Variants in NSG2 observed in about 807,000 individuals in gnomAD.
NSG2 encodes neuronal vesicle trafficking associated 2, also known as neuronal vesicle trafficking-associated protein 2.
Under a neutral mutation model 16.9 loss-of-function variants are expected in NSG2, and 4 were observed. The observed-to-expected ratio is 0.24, with a 90% confidence interval of 0.12 to 0.54. The LOEUF (loss-of-function observed/expected upper bound fraction) is 0.54. NSG2 is among the 20% of genes least tolerant of loss of function. The pLI is 0.95. For synonymous variants in NSG2, 98 were observed against 88.7 expected (o/e 1.11, Z -0.59); for missense variants, 179 against 221.1 (o/e 0.81, Z 1.21).
Position 174,070,690 on chromosome 5 carries a change from G to C in NSG2, c.213+6375G>C, listed in dbSNP as rs1363036712. On this transcript the variant is annotated intron_variant, in intron 3 of 4. Coordinates refer to ENST00000303177, the MANE Select transcript of NSG2 (RefSeq NM_015980.5). ...GCTTCTCAGCTGTGCTCTTCCTGGAGTCAGCAACTCTGGGACCCCTTCCTG... is the reference window on the plus strand; with the variant it reads ...GCTTCTCAGCTGTGCTCTTCCTGGACTCAGCAACTCTGGGACCCCTTCCTG... Among the ~76,000 whole-genome samples, 9 of 152,222 alleles carry C rather than the reference G, an allele frequency of 5.9e-5. No homozygotes were observed. The South Asian group carries it at 1.9e-3, about 32-fold the overall frequency.
intron 3 of NSG2, among the ~76,000 whole-genome samples, chr5:174,067,147 A>G (rs1311233185): frequency 6.6e-6 from 1 of 152,204 alleles, no homozygotes; most frequent in Non-Finnish European, 1.5e-5. Flanking sequence ...AAATGTATTA[A>G]TATTAAAATG....
chr5:174,066,238 A>G (rs2113437618), intron 3 of NSG2: 1 of 456,286 alleles, frequency 2.2e-6, no homozygotes, highest in East Asian at 6.9e-5. Context: ...GTGAAAGTGG[A>G]CCAAGACCCA....
intron 3 of NSG2, among the ~76,000 whole-genome samples, chr5:174,087,295 G>T (rs558744275): frequency 1.5e-3 from 233 of 152,256 alleles, no homozygotes; most frequent in Non-Finnish European, 2.6e-3. Flanking sequence ...AGCCACTCCA[G>T]AGGCTGTGGA....
At chr5:174,049,038 G>A (rs1023176806) in intron 2 of NSG2, among the ~76,000 whole-genome samples, 2 of 151,890 alleles carry the variant, frequency 1.3e-5, no homozygotes, top group African/African-American at 2.4e-5. Flanking sequence ...TAAAGTGCCT[G>A]GTAAAAAAAA....
chr5:174,050,762 A>C (rs1759875968), intron 2 of NSG2, among the ~76,000 whole-genome samples: 1 of 152,058 alleles, frequency 6.6e-6, no homozygotes, highest in South Asian at 2.1e-4. Context: ...CAGAGGCCCC[A>C]GTGCTCTCTC....
At chr5:174,055,306 G>A (rs958342381) in intron 2 of NSG2, among the ~76,000 whole-genome samples, 1 of 152,182 alleles carries the variant, frequency 6.6e-6, no homozygotes, top group Non-Finnish European at 1.5e-5. Context: ...ATAGAAGTGG[G>A]GAGTTGGCTG....
chr5:174,093,629 G>A (rs1282555355), intron 3 of NSG2, among the ~76,000 whole-genome samples: 1 of 152,210 alleles, frequency 6.6e-6, no homozygotes, highest in Non-Finnish European at 1.5e-5. Context: ...GATCTTTGGG[G>A]CTCAGCCAGG....
intron 3 of NSG2, among the ~76,000 whole-genome samples, chr5:174,093,341 C>G (rs548142982): frequency 7.2e-5 from 11 of 152,186 alleles, no homozygotes; most frequent in Admixed American, 1.3e-4. Flanking sequence ...TATGCACTAC[C>G]ACGCCCCGCC....
At chr5:174,049,029 A>C (rs1000960325) in intron 2 of NSG2, among the ~76,000 whole-genome samples, 6 of 152,066 alleles carry the variant, frequency 3.9e-5, no homozygotes, top group Non-Finnish European at 8.8e-5. Context: ...CATTATACGT[A>C]AAGTGCCTGG....
In NSG2 at chr5:174,108,281, A is replaced by C. The variant is rs1225022620; in HGVS notation, c.*776A>C. On this transcript the variant is annotated 3_prime_UTR_variant, in exon 5 of 5. Coordinates refer to ENST00000303177, the MANE Select transcript of NSG2 (RefSeq NM_015980.5). ...TCTTTGTCTTTTGCTTGCATTTTCT[A>C]GATCCACACCTGGATACTGCCCATG... 6.3e-6 allele frequency: 1 copy of C among 159,720 alleles called. No individual in the cohort carries two copies. 9.9% of individuals were successfully genotyped at this position (159,720 alleles called of 1,614,324 possible). A position where few individuals can be genotyped will look rare whatever the true frequency, so the allele number is the denominator to read the frequency against.
chr5:174,071,047 G>A (rs992699992), intron 3 of NSG2, among the ~76,000 whole-genome samples: 4 of 152,220 alleles, frequency 2.6e-5, no homozygotes, highest in African/African-American at 7.2e-5. Context: ...GTAGGCACTT[G>A]GGAAGGATCC....
intron 3 of NSG2, among the ~76,000 whole-genome samples, chr5:174,089,787 AC>A (rs1210577285): frequency 6.6e-6 from 1 of 151,678 alleles, no homozygotes; most frequent in African/African-American, 2.4e-5. Flanking sequence ...GCTAGTTTTT[AC>A]TTTTTTCTTT....
intron 3 of NSG2, among the ~76,000 whole-genome samples, chr5:174,073,596 A>C (rs1322899930): frequency 6.6e-6 from 1 of 152,208 alleles, no homozygotes. Context: ...TTGTGAGTGT[A>C]CTATTAGAAT....
At chr5:174,105,610 G>A (rs999095519) in intron 4 of NSG2, among the ~76,000 whole-genome samples, 8 of 152,150 alleles carry the variant, frequency 5.3e-5, no homozygotes, top group Admixed American at 2.0e-4. Context: ...ACTCCACCAA[G>A]GGTATAATCT....
chr5:174,075,200 A>G (rs1252509213), intron 3 of NSG2, among the ~76,000 whole-genome samples: 5 of 152,192 alleles, frequency 3.3e-5, no homozygotes, highest in African/African-American at 1.2e-4. Flanking sequence ...TGAAATAGGC[A>G]TATTTTTAAT....
chr5:174,050,169 A>G (rs534772066), intron 2 of NSG2, among the ~76,000 whole-genome samples: 3 of 152,370 alleles, frequency 2.0e-5, no homozygotes, highest in East Asian at 1.9e-4. Flanking sequence ...CTCCAGTCAG[A>G]TGGTGAGTAC....
chr5:174,097,167 A>G (rs144653132), intron 3 of NSG2, among the ~76,000 whole-genome samples: 189 of 152,240 alleles, frequency 1.2e-3, no homozygotes, highest in Non-Finnish European at 1.6e-3. Context: ...GTCCCGGCAC[A>G]TCTTTGCCAG....
chr5:174,067,429 G>A (rs1025701605), intron 3 of NSG2, among the ~76,000 whole-genome samples: 10 of 152,166 alleles, frequency 6.6e-5, no homozygotes, highest in African/African-American at 2.4e-4. Context: ...TGCTGGGTCA[G>A]GGACCAGGGC....
chr5:174,061,951 A>G (rs950542218), intron 2 of NSG2, among the ~76,000 whole-genome samples: 4 of 134,370 alleles, frequency 3.0e-5, no homozygotes, highest in Non-Finnish European at 4.7e-5. Flanking sequence ...AGTTGGGGGC[A>G]TTCTTGAATG....
Sources: allele counts gnomAD v4.1 joint callset (sites outside exome capture counted in the v4.1 genomes callset), GRCh38; gene constraint gnomAD v4.1.1; transcripts MANE v1.5; gene names NCBI Gene and HGNC (gene_info 2026-07-23, HGNC 2026-07-21).